The following CACNA1E variants were observed in gnomAD, a reference collection of about 807,000 sequenced individuals.
CACNA1E encodes the protein calcium voltage-gated channel subunit alpha1 E, also known as voltage-dependent R-type calcium channel subunit alpha-1E.
A neutral mutation model predicts 259.2 loss-of-function variants in CACNA1E; 40 were observed. The observed-to-expected ratio is 0.15, with a 90% CI of 0.12 to 0.20. The LOEUF is 0.20. CACNA1E is among the 10% of genes least tolerant of loss of function. The pLI, the probability that CACNA1E is intolerant of heterozygous loss-of-function variation, is 1.00. For synonymous variants in CACNA1E, 1,104 were observed against 1,138.5 expected, an observed-to-expected ratio of 0.97 and a Z score of 0.61; for missense variants, 1,874 against 3,040.1, an observed-to-expected ratio of 0.62 and a Z score of 9.02.
chr1:181,711,531 G>A (rs1056139778), intron 8 of CACNA1E, among the ~76,000 whole-genome samples: 22 of 152,186 alleles, frequency 1.4e-4, no homozygotes, highest in African/African-American at 5.3e-4. Context: ...CTAAGGCAGC[G>A]ATAAACAAAA....
At chr1:181,640,862 T>A (rs990102800) in intron 6 of CACNA1E, among the ~76,000 whole-genome samples, 15 of 152,208 alleles carry the variant, frequency 9.9e-5, no homozygotes, top group African/African-American at 3.6e-4. Context: ...TGTGGAGTAA[T>A]ATTCTAGGCA....
At chr1:181,689,825 G>GT (rs926264682) in intron 7 of CACNA1E, among the ~76,000 whole-genome samples, 5 of 151,608 alleles carry the variant, frequency 3.3e-5, no homozygotes, top group African/African-American at 4.8e-5. Flanking sequence ...TTATGGGGTT[G>GT]TTTTTTTTCT....
At chr1:181,382,665 G>C (rs147123674) in intron 1 of CACNA1E, among the ~76,000 whole-genome samples, 1 of 152,172 alleles carries the variant, frequency 6.6e-6, no homozygotes, top group South Asian at 2.1e-4. Flanking sequence ...TTTCCACTCT[G>C]CTCTGTACAA....
chr1:181,606,065 G>C (rs1358650058), intron 6 of CACNA1E, among the ~76,000 whole-genome samples: 1 of 151,938 alleles, frequency 6.6e-6, no homozygotes, highest in African/African-American at 2.4e-5. Context: ...CTTTCTGGTT[G>C]CTTCTTCTCC....
chr1:181,489,127 G>A (rs1455366649), intron 1 of CACNA1E, among the ~76,000 whole-genome samples: 1 of 152,102 alleles, frequency 6.6e-6, no homozygotes, highest in Non-Finnish European at 1.5e-5. Flanking sequence ...GCCCAGATGT[G>A]CAATCCAGTC....
At chr1:181,399,100 T>C (rs1384518262) in intron 1 of CACNA1E, among the ~76,000 whole-genome samples, 1 of 152,218 alleles carries the variant, frequency 6.6e-6, no homozygotes, top group East Asian at 1.9e-4. Context: ...TTCCCAGTAT[T>C]GTGACCTTTC....
intron 1 of CACNA1E, among the ~76,000 whole-genome samples, chr1:181,354,144 CTTTTTTTT>C (rs374722982): frequency 7.4e-6 from 1 of 135,740 alleles, no homozygotes; most frequent in East Asian, 2.2e-4. Context: ...GGGCAGAGGA[CTTTTTTTT>C]TTTTTTTTTT....
At chr1:181,318,515 G>C (rs1327639507) in intron 1 of CACNA1E, among the ~76,000 whole-genome samples, 1 of 152,192 alleles carries the variant, frequency 6.6e-6, no homozygotes, top group Non-Finnish European at 1.5e-5. Flanking sequence ...CCGGGGAGCG[G>C]AGCCAGGCTC....
chr1:181,666,598 T>C (rs1648251190), intron 7 of CACNA1E, among the ~76,000 whole-genome samples: 1 of 152,072 alleles, frequency 6.6e-6, no homozygotes, highest in African/African-American at 2.4e-5. Flanking sequence ...AGCCAAGACA[T>C]TTCCTTAAAG....
At chr1:181,570,228 G>A (rs1418821986) in intron 3 of CACNA1E, among the ~76,000 whole-genome samples, 4 of 151,922 alleles carry the variant, frequency 2.6e-5, no homozygotes, top group African/African-American at 9.7e-5. Context: ...TCCCTTTTGG[G>A]AAGATCTTAT....
rs571280841 is a variant in CACNA1E, at chr1:181,632,386, C to T, written c.952-18952C>T. Reference sequence around the variant, plus strand: ...AAGTGCTGCCACTGGCTCTCTGTGTCATCCTGGTCAAGGCATGGGGTGGGA... The same window carrying T: ...AAGTGCTGCCACTGGCTCTCTGTGTTATCCTGGTCAAGGCATGGGGTGGGA... On this transcript the variant is annotated intron_variant, in intron 6 of 47. Coordinates refer to ENST00000367573, the MANE Select transcript of CACNA1E (RefSeq NM_001205293.3). Among the ~76,000 whole-genome samples the T allele has an allele frequency of 3.9e-5, 6 of 152,238 alleles. No individual in the cohort carries two copies. The East Asian group carries it at 1.2e-3, about 29-fold the overall frequency.
At chr1:181,746,314 C>T (rs562234493) in intron 25 of CACNA1E, among the ~76,000 whole-genome samples, 210 of 152,320 alleles carry the variant, frequency 1.4e-3, no homozygotes, top group African/African-American at 4.9e-3. Flanking sequence ...AAAGTGCTTT[C>T]ACACTCTTTA....
chr1:181,609,168 T>C (rs1334449562), intron 6 of CACNA1E, among the ~76,000 whole-genome samples: 2 of 152,216 alleles, frequency 1.3e-5, no homozygotes, highest in Non-Finnish European at 2.9e-5. Context: ...TCTTATTTAA[T>C]GTCTGCCAAA....
chr1:181,352,705 T>A lies in CACNA1E; in HGVS notation c.-15+34582T>A, dbSNP rs564824839. 9.8e-5 allele frequency among the ~76,000 whole-genome samples: 15 copies of A among 152,310 alleles called. No homozygotes were observed. The South Asian group carries it at 3.1e-3, about 32-fold the overall frequency. On this transcript the variant is annotated intron_variant, in intron 1 of 11. Transcript: ENST00000524607. ...GGCAAGGCAATTTGGAGACATCAACTAAATTGCTTGCCTGGTTTGTGGGTG... is the reference window on the plus strand; with the variant it reads ...GGCAAGGCAATTTGGAGACATCAACAAAATTGCTTGCCTGGTTTGTGGGTG...
intron 8 of CACNA1E, among the ~76,000 whole-genome samples, chr1:181,714,589 G>C (rs761802728): frequency 6.6e-6 from 1 of 152,206 alleles, no homozygotes; most frequent in African/African-American, 2.4e-5. Flanking sequence ...GTGGCTGTTT[G>C]TTCTGGCTAC....
chr1:181,614,852 T>A (rs1320378540), intron 6 of CACNA1E, among the ~76,000 whole-genome samples: 1 of 152,220 alleles, frequency 6.6e-6, no homozygotes, highest in African/African-American at 2.4e-5. Context: ...GTTACACAGT[T>A]CTGTAAGTTT....
intron 7 of CACNA1E, among the ~76,000 whole-genome samples, chr1:181,695,154 A>G (rs988530172): frequency 6.6e-6 from 1 of 152,236 alleles, no homozygotes; most frequent in Non-Finnish European, 1.5e-5. Context: ...AAAATCAAAT[A>G]TCTAGAAATA....
At chr1:181,633,467 G>T (rs75558526) in intron 6 of CACNA1E, among the ~76,000 whole-genome samples, 6,355 of 152,030 alleles carry the variant, frequency 0.042, 168 homozygotes, top group African/African-American at 0.056. Context: ...AGGTGGAGAG[G>T]GGAATTATTA....
intron 2 of CACNA1E, among the ~76,000 whole-genome samples, chr1:181,464,911 A>G (rs1007956462): frequency 6.6e-6 from 1 of 151,902 alleles, no homozygotes; most frequent in African/African-American, 2.4e-5. Context: ...TTTTTTGTGT[A>G]TGTATTCATA....
Sources: allele counts gnomAD v4.1 joint callset (sites outside exome capture counted in the v4.1 genomes callset), GRCh38; gene constraint gnomAD v4.1.1; transcripts MANE v1.5; gene names NCBI Gene and HGNC (gene_info 2026-07-23, HGNC 2026-07-21).